ABLIM2: variants seen among roughly 807,000 people sequenced by gnomAD.
The protein encoded by ABLIM2 is actin binding LIM protein family member 2.
A neutral mutation model predicts 97.7 loss-of-function variants in ABLIM2; 53 were observed. The ratio of observed to expected loss-of-function variants is 0.54; its 90% CI spans 0.44 to 0.68. The LOEUF (loss-of-function observed/expected upper bound fraction) is 0.68, where lower values mean the gene tolerates loss of function less well. ABLIM2 is among the 30% of genes least tolerant of loss of function. The pLI is 0.00. For synonymous variants in ABLIM2, 361 were observed against 345.8 expected (o/e 1.04, Z -0.49); for missense variants, 835 against 867.2 (o/e 0.96, Z 0.47).
At chr4:8,041,057 C>T (rs371814823) in intron 9 of ABLIM2, among the ~76,000 whole-genome samples, 3 of 152,216 alleles carry the variant, frequency 2.0e-5, no homozygotes, top group Non-Finnish European at 2.9e-5. Flanking sequence ...TTGTTCGAGG[C>T]CTTCTGTTTA....
intron 1 of ABLIM2, among the ~76,000 whole-genome samples, chr4:8,107,192 C>T (rs1430302361): frequency 1.3e-5 from 2 of 152,254 alleles, no homozygotes; most frequent in Non-Finnish European, 2.9e-5. Context: ...TTAAATCTCC[C>T]TTAAAGCCAC....
At position 8,068,071 on chromosome 4, in the gene ABLIM2, T is replaced by C. The variant is rs575393027; in HGVS notation, c.676-7017A>G. ...TCCTGTTGTCATTCCCATTCTCTCATAGTGACTGGGGCGTCCCAGTCATCG... is the reference window on the plus strand; with the variant it reads ...TCCTGTTGTCATTCCCATTCTCTCACAGTGACTGGGGCGTCCCAGTCATCG... On this transcript the variant is annotated intron_variant, in intron 6 of 20. Transcript: ENST00000447017. The surrounding 1 kb of genome is among the most constrained non-coding windows in gnomAD (Gnocchi z 4.5). Among the ~76,000 whole-genome samples the C allele has an allele frequency of 6.6e-6, 1 of 151,918 alleles. No individual in the cohort carries two copies. The highest frequency in any genetic ancestry group is 1.9e-4 in the East Asian group (1 of 5,160).
At chr4:8,013,555 G>C (rs1207779965) in intron 14 of ABLIM2, among the ~76,000 whole-genome samples, 1 of 152,202 alleles carries the variant, frequency 6.6e-6, no homozygotes, top group Non-Finnish European at 1.5e-5. Flanking sequence ...CATGTTAACA[G>C]ATAATAATAG....
chr4:8,152,180 C>T lies in ABLIM2; in HGVS notation c.10+6500G>A, dbSNP rs549989624. Among the ~76,000 whole-genome samples the T allele has an allele frequency of 2.2e-4, 33 of 152,320 alleles. No individual in the cohort carries two copies. In the East Asian group the frequency reaches 3.3e-3, roughly 15 times the overall value. ...TTATCCACACCAACACTCAGCCACG[C>T]GTTATGAGGCAGCAACCAATCCCCC... On this transcript the variant is annotated intron_variant, in intron 1 of 20. Transcript: ENST00000447017.
chr4:7,976,938 C>G (rs942140363), intron 20 of ABLIM2, among the ~76,000 whole-genome samples: 2 of 151,968 alleles, frequency 1.3e-5, no homozygotes, highest in Non-Finnish European at 2.9e-5. Context: ...CACACATATC[C>G]ACATACATAC....
intron 2 of ABLIM2, among the ~76,000 whole-genome samples, chr4:8,105,564 C>G (rs983829382): frequency 6.6e-6 from 1 of 152,156 alleles, no homozygotes; most frequent in Non-Finnish European, 1.5e-5. Flanking sequence ...TTTGTTTGCC[C>G]AGAAAAAAGC....
chr4:8,126,742 G>T (rs1401266937), intron 1 of ABLIM2, among the ~76,000 whole-genome samples: 1 of 152,052 alleles, frequency 6.6e-6, no homozygotes, highest in Non-Finnish European at 1.5e-5. Flanking sequence ...AGATGCCAGA[G>T]GCACACCCTC....
chr4:8,071,693 A>ATCC lies in ABLIM2; in HGVS notation c.675+5934_675+5935insGGA. ...ACACCTGACTGCTCTGTCCCCAAAA[A>ATCC]CCCACCCACCCGCAGCCCCTCCTGG... On this transcript the variant is annotated intron_variant, in intron 6 of 20. Coordinates refer to ENST00000447017, the MANE Select transcript of ABLIM2 (RefSeq NM_001130083.2). This position sits in a 1 kb window ranked among gnomAD's most constrained non-coding sequence, Gnocchi z 6.2. 2 of 819,830 alleles carry ATCC rather than the reference A, an allele frequency of 2.4e-6. No homozygotes were observed. Among genetic ancestry groups the ATCC allele is most frequent in the Non-Finnish European group, 2.9e-6 (2 of 679,292 alleles). The allele number at this position is 819,830 out of a possible 1,614,324, so 50.8% of individuals were successfully genotyped here. A position where few individuals can be genotyped will look rare whatever the true frequency, so the allele number is the denominator to read the frequency against.
intron 9 of ABLIM2, among the ~76,000 whole-genome samples, chr4:8,040,573 T>C (rs1323964120): frequency 6.7e-6 from 1 of 149,914 alleles, no homozygotes. Context: ...ATCGTGCCAC[T>C]GCACTCCAGC....
At position 8,085,791 on chromosome 4, in the gene ABLIM2, C is replaced by G. The variant is rs546323036; in HGVS notation, c.454+2378G>C. Reference sequence around the variant, plus strand: ...TTGTACTCATCTGTAGCATCCTCCCCCTTCCAGACCCACCTGCTGGAATTC... The same window carrying G: ...TTGTACTCATCTGTAGCATCCTCCCGCTTCCAGACCCACCTGCTGGAATTC... On this transcript the variant is annotated intron_variant, in intron 4 of 20. Transcript: ENST00000447017. This position sits in a 1 kb window ranked among gnomAD's most constrained non-coding sequence, Gnocchi z 6.1. Among the ~76,000 whole-genome samples the G allele has an allele frequency of 2.0e-5, 3 of 152,372 alleles. No individual in the cohort carries two copies. Among genetic ancestry groups the G allele is most frequent in the South Asian group, 2.1e-4 (1 of 4,832 alleles).
At chr4:8,051,378 C>G (rs1443892441) in intron 8 of ABLIM2, among the ~76,000 whole-genome samples, 1 of 103,816 alleles carries the variant, frequency 9.6e-6, no homozygotes, top group Non-Finnish European at 1.9e-5. Context: ...GAAACCCTGT[C>G]TCTACTAAAA....
At chr4:7,983,081 T>G (rs1242596402) in intron 20 of ABLIM2, among the ~76,000 whole-genome samples, 183 bp downstream of exon 20, 1 of 152,196 alleles carries the variant, frequency 6.6e-6, no homozygotes, top group Admixed American at 6.5e-5. Context: ...CCATCAAGGC[T>G]GGGGAACATC....
intron 17 of ABLIM2, among the ~76,000 whole-genome samples, chr4:7,988,360 A>G (rs1029937346): frequency 3.9e-5 from 6 of 152,214 alleles, no homozygotes; most frequent in Non-Finnish European, 2.9e-5. Context: ...CTCTATAGGT[A>G]CATTCTCTAA....
intron 1 of ABLIM2, 121 bp downstream of exon 1, chr4:8,158,559 G>T: frequency 1.6e-6 from 2 of 1,259,994 alleles, no homozygotes; most frequent in South Asian, 1.4e-5. Flanking sequence ...AGCAAAAGTT[G>T]GGTGGAGCCG....
In ABLIM2 at chr4:7,996,761, C is replaced by T. The variant is rs748263188; in HGVS notation, c.1619-3834G>A. Reference sequence around the variant, plus strand: ...TAGCTCTGCAGGATATCTCACTGAACACAGGATTCATGCGGACAGTTCTGC... The same window carrying T: ...TAGCTCTGCAGGATATCTCACTGAATACAGGATTCATGCGGACAGTTCTGC... On this transcript the variant is annotated intron_variant, in intron 16 of 20. Transcript: ENST00000447017. The surrounding 1 kb of genome is among the most constrained non-coding windows in gnomAD (Gnocchi z 4.5). Among the ~76,000 whole-genome samples, 8 of 152,190 alleles carry T rather than the reference C, an allele frequency of 5.3e-5. No homozygotes were observed. The highest frequency in any genetic ancestry group is 6.5e-5 in the Admixed American group (1 of 15,268).
intron 4 of ABLIM2, among the ~76,000 whole-genome samples, chr4:8,086,669 G>T (rs534203191): frequency 1.3e-5 from 2 of 152,206 alleles, no homozygotes; most frequent in Non-Finnish European, 2.9e-5. Flanking sequence ...TAATTTGGCT[G>T]CCAGGAAGCT....
intron 2 of ABLIM2, among the ~76,000 whole-genome samples, chr4:8,102,085 G>C (rs1834940464): frequency 6.6e-6 from 1 of 152,204 alleles, no homozygotes; most frequent in African/African-American, 2.4e-5. Flanking sequence ...GGATGGAGCA[G>C]GACCCTCCTC....
In ABLIM2 at chr4:8,095,478, T is replaced by A. The variant is rs1831085815; in HGVS notation, c.338+1621A>T. ...GTTGAATGCTGGATTTTTAAAAATC[T>A]TCTTGTGAAAAGTGTTGGGCTTTGC... On this transcript the variant is annotated intron_variant, in intron 3 of 20. Coordinates refer to ENST00000447017, the MANE Select transcript of ABLIM2 (RefSeq NM_001130083.2). This position sits in a 1 kb window ranked among gnomAD's most constrained non-coding sequence, Gnocchi z 4.7. Among the ~76,000 whole-genome samples the A allele has an allele frequency of 6.6e-6, 1 of 152,228 alleles. No individual in the cohort carries two copies.
intron 20 of ABLIM2, among the ~76,000 whole-genome samples, chr4:7,973,230 G>T (rs560541138): frequency 7.9e-5 from 12 of 152,218 alleles, no homozygotes; most frequent in African/African-American, 2.4e-4. Flanking sequence ...TGAGGTGTCG[G>T]CTGGGCACAG....
Sources: gnomAD v4.1 joint callset for allele counts (sites outside exome capture counted in the v4.1 genomes callset) on GRCh38, gnomAD v4.1.1 for gene constraint, Gnocchi (gnomAD v3.1) non-coding constraint, MANE v1.5 for transcripts, NCBI Gene and HGNC (gene_info 2026-07-23, HGNC 2026-07-21) for gene names.